Variants in MRPL37 observed in about 807,000 individuals in gnomAD.
The protein encoded by MRPL37 is mitochondrial ribosomal protein L37.
In MRPL37, 34 loss-of-function variants were observed where a neutral mutation model predicts 44.1. The ratio of observed to expected loss-of-function variants is 0.77; its 90% CI spans 0.59 to 1.03. The LOEUF (loss-of-function observed/expected upper bound fraction) is 1.03. Ranked by LOEUF, MRPL37 falls within the 50% of genes least tolerant of loss-of-function variation. The probability of loss-of-function intolerance (pLI) is 0.00; values close to 1 mark genes in which losing one functional copy is unlikely to be tolerated. For synonymous variants in MRPL37, 212 were observed against 219.5 expected (o/e 0.97, Z 0.30); for missense variants, 532 against 543.7 (o/e 0.98, Z 0.21).
Position 54,218,173 on chromosome 1 carries a change from A to G in MRPL37, c.1196A>G (p.Glu399Gly). The stretch of plus-strand genomic sequence containing the variant: ...CCTAATGAACCGTGTTCTTTCCAGG[A>G]ACCTGTTGGCCCAGTTGGTTTCAAG... Reference protein sequence around the residue: ...LPVIKKRVVVEPVGPVGFKPE... With the variant: ...LPVIKKRVVVGPVGPVGFKPE... Residue 399 changes from glutamate to glycine, a missense_variant and splice_region_variant, in exon 7 of 7, where the codon GAA becomes GGA. Physicochemically the swap from Glu to Gly is moderately conservative, Grantham distance 98. Coordinates refer to ENST00000360840, the MANE Select transcript of MRPL37 (RefSeq NM_016491.4). The G allele has an allele frequency of 6.2e-7, 1 of 1,614,040 alleles. No individual in the cohort carries two copies. The highest frequency in any genetic ancestry group is 8.5e-7 in the Non-Finnish European group (1 of 1,179,840).
chr1:54,216,781 T>C (rs544363046), intron 6 of MRPL37, among the ~76,000 whole-genome samples: 1 of 152,060 alleles, frequency 6.6e-6, no homozygotes, highest in South Asian at 2.1e-4. Flanking sequence ...CTCACTTAAG[T>C]GCCTCAGGTG....
downstream of MRPL37, among the ~76,000 whole-genome samples, chr1:54,219,578 CG>C (rs1553179864): frequency 6.6e-6 from 1 of 152,124 alleles, no homozygotes; most frequent in Non-Finnish European, 1.5e-5. Context: ...CCTGGGGCTC[CG>C]GGTACTCTGA....
chr1:54,223,621 T>A (rs919921674), downstream of MRPL37, among the ~76,000 whole-genome samples: 1 of 151,988 alleles, frequency 6.6e-6, no homozygotes, highest in Non-Finnish European at 1.5e-5. Flanking sequence ...AGGTGTGGGG[T>A]CCTGTCTCAG....
At position 54,200,186 on chromosome 1, in the gene MRPL37, C is replaced by T. The variant is rs1644065199; in HGVS notation, c.-58C>T. 13 of 1,481,794 alleles carry T rather than the reference C, an allele frequency of 8.8e-6. No homozygotes were observed. The highest frequency in any genetic ancestry group is 9.9e-6 in the Non-Finnish European group (11 of 1,115,286). 91.8% of individuals were successfully genotyped at this position (1,481,794 alleles called of 1,614,324 possible). A position where few individuals can be genotyped will look rare whatever the true frequency, so the allele number is the denominator to read the frequency against. ...CCCGGTCTCATTCGTTCCCAGCAGG[C>T]CCTGCGCGCGGCAACATGGCGGGGT... On this transcript the variant is annotated 5_prime_UTR_variant, in exon 1 of 7. Coordinates refer to ENST00000360840, the MANE Select transcript of MRPL37 (RefSeq NM_016491.4).
intron 1 of MRPL37, among the ~76,000 whole-genome samples, chr1:54,202,946 T>C (rs1345586455): frequency 6.6e-6 from 1 of 152,182 alleles, no homozygotes; most frequent in Non-Finnish European, 1.5e-5. Context: ...CATTTGAAAA[T>C]AGAGGACTGG....
At chr1:54,220,670 C>A (rs1176955210), downstream of MRPL37, 1 of 471,820 alleles carries the variant, frequency 2.1e-6, no homozygotes, top group Non-Finnish European at 4.4e-6. Context: ...CTCCCTCATT[C>A]AACGCAGGAG....
At chr1:54,223,798 TCTC>T (rs961053293), downstream of MRPL37, among the ~76,000 whole-genome samples, 73 of 152,286 alleles carry the variant, frequency 4.8e-4, no homozygotes, top group African/African-American at 1.6e-3. Context: ...TGCTCCCTTT[TCTC>T]CTCCTCATTT....
At chr1:54,203,468 T>C (rs1047786557) in intron 1 of MRPL37, among the ~76,000 whole-genome samples, 13 of 123,486 alleles carry the variant, frequency 1.1e-4, no homozygotes, top group African/African-American at 3.9e-4. Flanking sequence ...CTTCATTTAC[T>C]TTTTTTTTTT....
intron 4 of MRPL37, 76 bp from the exon 5 acceptor site, chr1:54,212,425 C>A: frequency 6.5e-7 from 1 of 1,536,924 alleles, no homozygotes; most frequent in Non-Finnish European, 8.9e-7. Flanking sequence ...TGGGCTAAGG[C>A]GAGGTGACTT....
downstream of MRPL37, among the ~76,000 whole-genome samples, chr1:54,218,953 T>A (rs1319130940): frequency 6.6e-6 from 1 of 152,252 alleles, no homozygotes; most frequent in East Asian, 1.9e-4. Context: ...ACACGGATAA[T>A]TTAAGGAATT....
At chr1:54,200,633 C>T (rs753547848) in intron 1 of MRPL37, 44 bp downstream of exon 1, 1 of 1,534,316 alleles carries the variant, frequency 6.5e-7, no homozygotes, top group Non-Finnish European at 8.8e-7. Context: ...TTCCTCTAAC[C>T]AGCACCGACC....
In MRPL37 at chr1:54,218,305, G is replaced by A; in HGVS notation, c.*56G>A. 1 of 1,612,862 alleles carries A rather than the reference G, an allele frequency of 6.2e-7. No individual in the cohort carries two copies. The highest frequency in any genetic ancestry group is 1.1e-5 in the South Asian group (1 of 90,922). ...TCTTGCCTCTCTTCCACGGAAGAGG[G>A]CCTGGGCCCCGTGGAGCCTCAGTGC... On this transcript the variant is annotated 3_prime_UTR_variant, in exon 7 of 7. Transcript: ENST00000360840.
downstream of MRPL37, among the ~76,000 whole-genome samples, chr1:54,219,780 C>A (rs1180746849): frequency 6.6e-6 from 1 of 152,218 alleles, no homozygotes; most frequent in Non-Finnish European, 1.5e-5. Flanking sequence ...ATCATAACAA[C>A]ACACATATAT....
downstream of MRPL37, among the ~76,000 whole-genome samples, chr1:54,223,285 G>A (rs896477945): frequency 1.3e-5 from 2 of 152,216 alleles, no homozygotes. Flanking sequence ...GTCCAGGGGA[G>A]CCCCATGGCC....
intron 1 of MRPL37, among the ~76,000 whole-genome samples, 197 bp from the exon 2 acceptor site, chr1:54,204,802 ATCCTGAAGTAGGTGGTCAT>A (rs1222447009): frequency 1.3e-5 from 2 of 152,122 alleles, no homozygotes; most frequent in Admixed American, 6.5e-5. Flanking sequence ...CCTATTAACC[ATCCTGAAGTAGGTGGTCAT>A]TCCTGAAGGT....
chr1:54,205,523 C>A, intron 3 of MRPL37, 113 bp downstream of exon 3: 1 of 826,696 alleles, frequency 1.2e-6, no homozygotes. Flanking sequence ...TTACTCCCAT[C>A]ATTCGTGGTC....
intron 3 of MRPL37, chr1:54,207,353 G>A (rs1644131757): frequency 6.6e-6 from 1 of 152,252 alleles, no homozygotes; most frequent in Admixed American, 6.5e-5. Flanking sequence ...TACTGTTGGT[G>A]TTTCAGGCAG....
chr1:54,202,397 T>C (rs1392140989), intron 1 of MRPL37, among the ~76,000 whole-genome samples: 1 of 152,230 alleles, frequency 6.6e-6, no homozygotes, highest in East Asian at 1.9e-4. Flanking sequence ...TGCCTTTCAT[T>C]TGTTACCACA....
At chr1:54,217,942 C>T (rs1644209013) in intron 6 of MRPL37, among the ~76,000 whole-genome samples, 1 of 152,170 alleles carries the variant, frequency 6.6e-6, no homozygotes, top group Admixed American at 6.5e-5. Context: ...AGTGAGAGGG[C>T]CTCGGGAGCA....
Sources: allele counts gnomAD v4.1 joint callset (sites outside exome capture counted in the v4.1 genomes callset), GRCh38; gene constraint gnomAD v4.1.1; transcripts MANE v1.5; gene names NCBI Gene and HGNC (gene_info 2026-07-23, HGNC 2026-07-21).